The following CDH22 variants were observed in gnomAD, a reference collection of about 807,000 sequenced individuals.
The protein encoded by CDH22 is cadherin 22, also known as cadherin-22.
Under a neutral mutation model 58.4 loss-of-function variants are expected in CDH22, and 30 were observed. That is an observed-to-expected ratio of 0.51 (90% confidence interval 0.38 to 0.70). The LOEUF (loss-of-function observed/expected upper bound fraction) is 0.70. Among genes scored for constraint, CDH22 ranks in the 30% least tolerant of loss-of-function variants. CDH22 has a pLI of 0.00. For synonymous variants in CDH22, 513 were observed against 558.2 expected, an observed-to-expected ratio of 0.92 and a Z score of 1.14; for missense variants, 1,014 against 1,233.9, an observed-to-expected ratio of 0.82 and a Z score of 2.67.
intron 7 of CDH22, among the ~76,000 whole-genome samples, chr20:46,206,919 C>T (rs1264151099): frequency 6.6e-6 from 1 of 152,172 alleles, no homozygotes; most frequent in African/African-American, 2.4e-5. Flanking sequence ...GAATGGAACC[C>T]TTAGAGCGAG....
At chr20:46,252,396 G>C (rs79903224) in intron 1 of CDH22, among the ~76,000 whole-genome samples, 1 of 152,144 alleles carries the variant, frequency 6.6e-6, no homozygotes, top group African/African-American at 2.4e-5. Flanking sequence ...CCCAGAGTCC[G>C]AGAGACATCT....
At chr20:46,277,652 T>A (rs575067696) in intron 1 of CDH22, among the ~76,000 whole-genome samples, 1 of 148,358 alleles carries the variant, frequency 6.7e-6, no homozygotes, top group African/African-American at 2.5e-5. Context: ...GGGGGGTGAG[T>A]TTGGAGGAGG....
At chr20:46,223,604 ATTTCTTTCTTTTTC>A (rs2086141567) in intron 4 of CDH22, among the ~76,000 whole-genome samples, 1 of 149,818 alleles carries the variant, frequency 6.7e-6, no homozygotes, top group Non-Finnish European at 1.5e-5. Context: ...GCCTGTTGTG[ATTTCTTTCTTTTTC>A]TTTCTTTCTT....
intron 3 of CDH22, among the ~76,000 whole-genome samples, chr20:46,228,552 T>A (rs1320888557): frequency 4.3e-5 from 1 of 23,198 alleles, no homozygotes; most frequent in Non-Finnish European, 9.5e-5. Flanking sequence ...CTAGACCAGG[T>A]GGGGGTGGGG....
chr20:46,247,112 G>A (rs2086335754), intron 2 of CDH22, among the ~76,000 whole-genome samples: 1 of 152,112 alleles, frequency 6.6e-6, no homozygotes, highest in South Asian at 2.1e-4. Flanking sequence ...GGGATTTGGG[G>A]CGGGAGTTCA....
chr20:46,231,028 G>A (rs2086217263), intron 3 of CDH22, among the ~76,000 whole-genome samples: 1 of 152,146 alleles, frequency 6.6e-6, no homozygotes, highest in Non-Finnish European at 1.5e-5. Context: ...GGAGCAGGGG[G>A]GCAGAGGAGG....
chr20:46,178,317 A>C (rs180938631), intron 10 of CDH22, 120 bp from the exon 11 acceptor site: 1 of 1,060,868 alleles, frequency 9.4e-7, no homozygotes, highest in African/African-American at 1.6e-5. Context: ...CAGCCTCCCA[A>C]TGGACTCATG....
intron 1 of CDH22, among the ~76,000 whole-genome samples, chr20:46,259,344 T>C (rs1407785632): frequency 6.6e-6 from 1 of 152,200 alleles, no homozygotes; most frequent in East Asian, 1.9e-4. Flanking sequence ...CCCTGGCAAG[T>C]TTCACAAATA....
intron 3 of CDH22, among the ~76,000 whole-genome samples, chr20:46,237,059 G>A (rs2086258561): frequency 6.6e-6 from 1 of 152,174 alleles, no homozygotes; most frequent in Non-Finnish European, 1.5e-5. Context: ...GACTCTCCCT[G>A]CTATAGTATG....
At chr20:46,180,764 C>A (rs1448585491) in intron 10 of CDH22, among the ~76,000 whole-genome samples, 1 of 151,956 alleles carries the variant, frequency 6.6e-6, no homozygotes, top group African/African-American at 2.4e-5. Flanking sequence ...GACAAGGTCT[C>A]ACTCTGTCAC....
At chr20:46,258,423 AC>A (rs1009475700) in intron 1 of CDH22, among the ~76,000 whole-genome samples, 32 of 151,720 alleles carry the variant, frequency 2.1e-4, no homozygotes, top group African/African-American at 7.0e-4. Context: ...TTCTCCCTGC[AC>A]CCCCTCCTCT....
In CDH22 at chr20:46,297,335, G is replaced by A. The variant is rs529702237; in HGVS notation, c.-400+10920C>T. On this transcript the variant is annotated intron_variant, in intron 1 of 11. Transcript: ENST00000537909. The stretch of plus-strand genomic sequence containing the variant: ...TGTGGGAGAACAGGGGCTCTGGAAG[G>A]GGCAGGCATTCCAGAAGGTGACCAG... 7.2e-5 allele frequency among the ~76,000 whole-genome samples: 11 copies of A among 152,130 alleles called. No individual in the cohort carries two copies. The South Asian group carries it at 2.3e-3, about 32-fold the overall frequency.
intron 1 of CDH22, among the ~76,000 whole-genome samples, chr20:46,286,663 C>T (rs1481223981): frequency 1.3e-5 from 2 of 152,166 alleles, no homozygotes; most frequent in African/African-American, 4.8e-5. Flanking sequence ...AGCCCAGCCA[C>T]ATGCAGAATG....
intron 7 of CDH22, among the ~76,000 whole-genome samples, chr20:46,204,386 T>C (rs1047433338): frequency 1.9e-5 from 2 of 105,950 alleles, no homozygotes; most frequent in Non-Finnish European, 3.5e-5. Context: ...AGTGTGAGAC[T>C]CTGTCTCAAA....
At chr20:46,272,503 G>A (rs978039027) in intron 1 of CDH22, among the ~76,000 whole-genome samples, 1 of 152,218 alleles carries the variant, frequency 6.6e-6, no homozygotes, top group Non-Finnish European at 1.5e-5. Context: ...AGGTCCAGAA[G>A]TGAGCCCTGG....
At chr20:46,220,810 T>A (rs1222788837) in intron 4 of CDH22, 1 of 152,336 alleles carries the variant, frequency 6.6e-6, no homozygotes, top group Non-Finnish European at 1.5e-5. Context: ...AGGTGCCATC[T>A]CTGGGTGTGT....
intron 6 of CDH22, among the ~76,000 whole-genome samples, chr20:46,211,100 T>C (rs1412551911): frequency 6.6e-6 from 1 of 152,212 alleles, no homozygotes; most frequent in Non-Finnish European, 1.5e-5. Context: ...TAAGCCGGGC[T>C]GCCTTAGAGC....
In CDH22 at chr20:46,174,618, G is replaced by A. The variant is rs897701034; in HGVS notation, c.2375C>T (p.Ser792Leu). ...GGCGAAGTCCTGCTCGGAGCCCGAC[G>A]AGCCGCTGTGCAGGGAGCTGAGCGA... ...AASLSSLHSG[S>L]SGSEQDFAYL... Residue 792 changes from serine (S) to leucine (L), a missense_variant, in exon 12 of 12, where the codon TCG (serine) becomes TTG (leucine). By Grantham distance (145) the Ser-to-Leu change is moderately radical (BLOSUM62 -2). Coordinates refer to ENST00000537909, the MANE Select transcript of CDH22 (RefSeq NM_021248.3). The surrounding 1 kb of genome is among the most constrained non-coding windows in gnomAD (Gnocchi z 4.4). The A allele has an allele frequency of 2.6e-5, 40 of 1,543,726 alleles. No individual in the cohort carries two copies. Among genetic ancestry groups the A allele is most frequent in the Non-Finnish European group, 3.2e-5 (37 of 1,149,598 alleles).
At chr20:46,259,867 C>A (rs911181773) in intron 1 of CDH22, among the ~76,000 whole-genome samples, 1 of 151,998 alleles carries the variant, frequency 6.6e-6, no homozygotes, top group Non-Finnish European at 1.5e-5. Flanking sequence ...GAAAAAAGAA[C>A]AAAAATGAAA....
Sources: gnomAD v4.1 joint callset for allele counts (sites outside exome capture counted in the v4.1 genomes callset) on GRCh38, gnomAD v4.1.1 for gene constraint, Gnocchi (gnomAD v3.1) non-coding constraint, MANE v1.5 for transcripts, NCBI Gene and HGNC (gene_info 2026-07-23, HGNC 2026-07-21) for gene names.